The following ABHD17B variants were observed in gnomAD, a reference collection of about 807,000 sequenced individuals.
ABHD17B encodes the protein abhydrolase domain containing 17B, depalmitoylase, also known as alpha/beta hydrolase domain-containing protein 17B.
A neutral mutation model predicts 26.2 loss-of-function variants in ABHD17B; 9 were observed. The ratio of observed to expected loss-of-function variants is 0.34; its 90% CI spans 0.21 to 0.60. The LOEUF is 0.60. Ranked by LOEUF, ABHD17B falls within the 20% of genes least tolerant of loss-of-function variation. The pLI is 0.80. For synonymous variants in ABHD17B, 127 were observed against 122.3 expected, an observed-to-expected ratio of 1.04 and a Z score of -0.25; for missense variants, 224 against 352.1, an observed-to-expected ratio of 0.64 and a Z score of 2.91.
chr9:71,889,201 T>C (rs1826703632), intron 1 of ABHD17B, among the ~76,000 whole-genome samples: 1 of 150,938 alleles, frequency 6.6e-6, no homozygotes, highest in Non-Finnish European at 1.5e-5. Flanking sequence ...CCTGTAATCA[T>C]AGCTACTCGG....
At chr9:71,888,339 T>A (rs979865452) in intron 1 of ABHD17B, among the ~76,000 whole-genome samples, 2 of 152,250 alleles carry the variant, frequency 1.3e-5, no homozygotes, top group Non-Finnish European at 2.9e-5. Flanking sequence ...AATCATCAGC[T>A]TTTGGCATTT....
rs185759688 is a variant in ABHD17B, at chr9:71,885,416, C to T, written c.-3-10333G>A. 2.7e-3 allele frequency among the ~76,000 whole-genome samples: 400 copies of T among 147,324 alleles called. 7 individuals carry two copies. The East Asian group carries it at 0.032, about 12-fold the overall frequency. On this transcript the variant is annotated intron_variant, in intron 1 of 3. Transcript: ENST00000333421. Reference sequence around the variant, plus strand: ...CAGAGGTTACAGTGAGCCGAGATTGCACCACTGCACTCCAGCCTGGGTGAC... The same window carrying T: ...CAGAGGTTACAGTGAGCCGAGATTGTACCACTGCACTCCAGCCTGGGTGAC...
chr9:71,882,931 G>A (rs967006869), intron 1 of ABHD17B, among the ~76,000 whole-genome samples: 1 of 151,854 alleles, frequency 6.6e-6, no homozygotes, highest in Admixed American at 6.6e-5. Context: ...AGAACACGAG[G>A]TCAGGAGTTC....
At chr9:71,882,197 A>G (rs1826464229) in intron 1 of ABHD17B, among the ~76,000 whole-genome samples, 2 of 152,234 alleles carry the variant, frequency 1.3e-5, no homozygotes, top group African/African-American at 4.8e-5. Context: ...AAACAATCTG[A>G]TATTTCCTCA....
At chr9:71,892,891 T>A (rs1380799864) in intron 1 of ABHD17B, among the ~76,000 whole-genome samples, 1 of 152,154 alleles carries the variant, frequency 6.6e-6, no homozygotes, top group Non-Finnish European at 1.5e-5. Context: ...CAGATTTTAT[T>A]TTTCATCTTC....
At chr9:71,906,271 G>T (rs536694089) in intron 1 of ABHD17B, among the ~76,000 whole-genome samples, 2 of 152,240 alleles carry the variant, frequency 1.3e-5, no homozygotes, top group African/African-American at 4.8e-5. Context: ...AGGTAAGATT[G>T]CACTTTTATT....
At chr9:71,884,935 G>A (rs1282329154) in intron 1 of ABHD17B, among the ~76,000 whole-genome samples, 1 of 152,082 alleles carries the variant, frequency 6.6e-6, no homozygotes, top group Admixed American at 6.6e-5. Flanking sequence ...AAAATGTTTT[G>A]TTACTATTAC....
chr9:71,894,234 C>G (rs1283281995), intron 1 of ABHD17B, among the ~76,000 whole-genome samples: 1 of 151,586 alleles, frequency 6.6e-6, no homozygotes, highest in African/African-American at 2.4e-5. Context: ...GTCCTTTCAT[C>G]TACTGATGTT....
At chr9:71,867,329 T>G (rs1300052216) in intron 3 of ABHD17B, among the ~76,000 whole-genome samples, 2 of 152,138 alleles carry the variant, frequency 1.3e-5, no homozygotes, top group African/African-American at 4.8e-5. Context: ...GAAGAGAAAA[T>G]TTAAGAACCA....
rs200002862 is a variant in ABHD17B, at chr9:71,889,028, AC to A, written c.-3-13946del. On this transcript the variant is annotated intron_variant, in intron 1 of 3. Transcript: ENST00000333421. ...TACAAGACAAAGTTTAAAAAAAAAA[AC>A]AAACCAGCCAGGTGCAGTGTCTCAC... Among the ~76,000 whole-genome samples the A allele has an allele frequency of 5.1e-3, 739 of 145,336 alleles. 3 individuals are homozygous for A. Among genetic ancestry groups the A allele is most frequent in the African/African-American group, 0.012 (438 of 37,654 alleles).
intron 1 of ABHD17B, among the ~76,000 whole-genome samples, chr9:71,898,149 G>A (rs934917816): frequency 6.6e-6 from 1 of 152,154 alleles, no homozygotes. Context: ...GCTATTTAAT[G>A]TGGAGTAGAT....
intron 1 of ABHD17B, among the ~76,000 whole-genome samples, chr9:71,900,526 T>C (rs1021219701): frequency 1.6e-4 from 25 of 151,884 alleles, no homozygotes; most frequent in Admixed American, 1.2e-3. Flanking sequence ...GGCGTGTGCC[T>C]GTAATCCCAG....
chr9:71,869,914 A>T (rs373800474), intron 3 of ABHD17B, among the ~76,000 whole-genome samples, 169 bp downstream of exon 3: 1 of 152,132 alleles, frequency 6.6e-6, no homozygotes, highest in Non-Finnish European at 1.5e-5. Context: ...CAGCCTTCTG[A>T]CTGGTCACCT....
chr9:71,882,084 T>C (rs1324096651), intron 1 of ABHD17B, among the ~76,000 whole-genome samples: 3 of 152,138 alleles, frequency 2.0e-5, no homozygotes, highest in Non-Finnish European at 2.9e-5. Context: ...TCCATTAAGA[T>C]AGCTATAATC....
At chr9:71,879,223 T>C (rs1826368753) in intron 1 of ABHD17B, among the ~76,000 whole-genome samples, 1 of 152,060 alleles carries the variant, frequency 6.6e-6, no homozygotes, top group Non-Finnish European at 1.5e-5. Context: ...ATCTGAGATA[T>C]GAGAAATAAA....
chr9:71,889,033 C>A (rs946324934), intron 1 of ABHD17B, among the ~76,000 whole-genome samples: 16 of 148,946 alleles, frequency 1.1e-4, no homozygotes, highest in Admixed American at 4.0e-4. Context: ...AAAAAACAAA[C>A]CAGCCAGGTG....
chr9:71,909,967 C>T (rs1443022114), intron 1 of ABHD17B, among the ~76,000 whole-genome samples: 1 of 151,568 alleles, frequency 6.6e-6, no homozygotes, highest in African/African-American at 2.4e-5. Context: ...AACTTTGTTT[C>T]GGGGTTAAAA....
intron 1 of ABHD17B, among the ~76,000 whole-genome samples, chr9:71,879,397 G>A (rs530698904): frequency 4.6e-4 from 70 of 152,224 alleles, no homozygotes; most frequent in African/African-American, 1.7e-3. Flanking sequence ...AAATGTGCTG[G>A]GGTACCTGAC....
At chr9:71,869,259 A>G (rs986978573) in intron 3 of ABHD17B, among the ~76,000 whole-genome samples, 1 of 152,236 alleles carries the variant, frequency 6.6e-6, no homozygotes, top group African/African-American at 2.4e-5. Context: ...TACTAAAGTG[A>G]TCCATTACTG....
Sources: gnomAD v4.1 joint callset for allele counts (sites outside exome capture counted in the v4.1 genomes callset) on GRCh38, gnomAD v4.1.1 for gene constraint, MANE v1.5 for transcripts, NCBI Gene and HGNC (gene_info 2026-07-23, HGNC 2026-07-21) for gene names.